The following EXOC4 variants were observed in gnomAD, a reference collection of about 807,000 sequenced individuals.
The protein encoded by EXOC4 is SEC8-like 1.
EXOC4 carries 71 observed loss-of-function variants against 107.2 expected under a neutral mutation model. The observed-to-expected ratio is 0.66, with a 90% CI of 0.55 to 0.81. The LOEUF (loss-of-function observed/expected upper bound fraction) is 0.81, where lower values mean the gene tolerates loss of function less well. EXOC4 is among the 30% of genes least tolerant of loss of function. The probability of loss-of-function intolerance (pLI) is 0.00; values close to 1 mark genes in which losing one functional copy is unlikely to be tolerated. For missense variants in EXOC4, 1,108 were observed against 1,189.6 expected (o/e 0.93, Z 1.01); for synonymous variants, 456 against 441.2 (o/e 1.03, Z -0.42).
intron 5 of EXOC4, among the ~76,000 whole-genome samples, chr7:133,347,619 G>A (rs916933124): frequency 6.6e-6 from 1 of 152,170 alleles, no homozygotes; most frequent in Non-Finnish European, 1.5e-5. Flanking sequence ...ATCTTTTCAT[G>A]AGTCCCAGAG....
At chr7:133,885,062 TCCCAG>T (rs1011867397) in intron 11 of EXOC4, among the ~76,000 whole-genome samples, 1 of 152,100 alleles carries the variant, frequency 6.6e-6, no homozygotes, top group Non-Finnish European at 1.5e-5. Context: ...ACGCCTATAA[TCCCAG>T]CACTTTGGGA....
At chr7:133,993,318 T>G (rs1794305132) in intron 14 of EXOC4, among the ~76,000 whole-genome samples, 1 of 152,188 alleles carries the variant, frequency 6.6e-6, no homozygotes, top group Non-Finnish European at 1.5e-5. Flanking sequence ...TACATGAGTT[T>G]TAGGACAATT....
intron 12 of EXOC4, among the ~76,000 whole-genome samples, chr7:133,902,541 G>A (rs181331896): frequency 6.6e-6 from 1 of 152,244 alleles, no homozygotes; most frequent in Admixed American, 6.5e-5. Flanking sequence ...GACAATAAAT[G>A]AATGTAATAC....
At chr7:133,554,398 C>T (rs907478455) in intron 9 of EXOC4, among the ~76,000 whole-genome samples, 7 of 152,138 alleles carry the variant, frequency 4.6e-5, no homozygotes, top group Admixed American at 2.6e-4. Flanking sequence ...TATACATTTT[C>T]TCAATTTAAA....
At chr7:133,977,090 A>G (rs906473869) in intron 14 of EXOC4, among the ~76,000 whole-genome samples, 3 of 152,204 alleles carry the variant, frequency 2.0e-5, no homozygotes, top group African/African-American at 7.2e-5. Flanking sequence ...GCTCATGGGC[A>G]TGGACTTTGT....
chr7:133,582,200 T>A (rs1801293617), intron 9 of EXOC4, among the ~76,000 whole-genome samples: 1 of 152,150 alleles, frequency 6.6e-6, no homozygotes, highest in African/African-American at 2.4e-5. Context: ...AGTGTTTAGC[T>A]CCCACTGATA....
intron 9 of EXOC4, among the ~76,000 whole-genome samples, chr7:133,527,361 G>A (rs1000087950): frequency 5.3e-5 from 8 of 152,118 alleles, no homozygotes; most frequent in South Asian, 2.1e-4. Context: ...CTGAGATTGC[G>A]CCCCTGCACT....
At chr7:133,514,116 A>G (rs1012795712) in intron 9 of EXOC4, among the ~76,000 whole-genome samples, 6 of 151,634 alleles carry the variant, frequency 4.0e-5, no homozygotes, top group Non-Finnish European at 8.8e-5. Flanking sequence ...TGTGTAATCA[A>G]TTTGATTAAT....
At chr7:133,967,659 G>C (rs565649310) in intron 14 of EXOC4, among the ~76,000 whole-genome samples, 155 of 152,304 alleles carry the variant, frequency 1.0e-3, no homozygotes, top group Non-Finnish European at 1.8e-3. Context: ...TCTTAATCCT[G>C]AGTTCTAATT....
intron 10 of EXOC4, among the ~76,000 whole-genome samples, chr7:133,772,089 A>G (rs963377056): frequency 6.6e-6 from 1 of 151,784 alleles, no homozygotes; most frequent in East Asian, 1.9e-4. Context: ...CCCTCCTCAT[A>G]TTCCCCCTTC....
At chr7:133,751,655 C>G (rs1795795340) in intron 10 of EXOC4, among the ~76,000 whole-genome samples, 1 of 152,102 alleles carries the variant, frequency 6.6e-6, no homozygotes, top group Non-Finnish European at 1.5e-5. Context: ...TTATTTCTGT[C>G]AAAACCACAG....
At chr7:133,873,288 C>T (rs565112035) in intron 11 of EXOC4, among the ~76,000 whole-genome samples, 12 of 152,326 alleles carry the variant, frequency 7.9e-5, no homozygotes, top group African/African-American at 2.9e-4. Context: ...AAGTTGAAAA[C>T]AATCACAACG....
intron 9 of EXOC4, among the ~76,000 whole-genome samples, chr7:133,572,432 A>G (rs571209360): frequency 2.0e-5 from 3 of 152,330 alleles, no homozygotes; most frequent in East Asian, 3.9e-4. Flanking sequence ...AGGGAAAAAA[A>G]CTTGTAAAAG....
At chr7:133,448,637 G>A (rs763975484) in intron 7 of EXOC4, among the ~76,000 whole-genome samples, 24 of 152,060 alleles carry the variant, frequency 1.6e-4, no homozygotes, top group Non-Finnish European at 2.8e-4. Flanking sequence ...TCTTTCCTCC[G>A]CTTATGGTGG....
chr7:133,791,190 C>T (rs1396953259), intron 10 of EXOC4, among the ~76,000 whole-genome samples: 1 of 152,182 alleles, frequency 6.6e-6, no homozygotes, highest in African/African-American at 2.4e-5. Context: ...CATTCAGCAG[C>T]TGCCTGTTTA....
At chr7:133,432,397 A>G (rs780122807) in intron 7 of EXOC4, among the ~76,000 whole-genome samples, 30 of 152,204 alleles carry the variant, frequency 2.0e-4, no homozygotes, top group Non-Finnish European at 3.1e-4. Flanking sequence ...GAGCTAATGT[A>G]TGGGACATAT....
At chr7:133,524,810 G>C (rs1206525250) in intron 9 of EXOC4, among the ~76,000 whole-genome samples, 3 of 151,976 alleles carry the variant, frequency 2.0e-5, no homozygotes, top group Non-Finnish European at 2.9e-5. Context: ...TCTCTGTTTT[G>C]GTACCAGCAC....
chr7:133,999,661 A>T (rs1377987963), intron 15 of EXOC4, among the ~76,000 whole-genome samples: 3 of 152,228 alleles, frequency 2.0e-5, no homozygotes, highest in Admixed American at 1.3e-4. Flanking sequence ...TGCCGCTGTT[A>T]CCTGAGTTAC....
chr7:133,374,700 A>G (rs1329073592), intron 6 of EXOC4, 128 bp from the exon 7 acceptor site: 3 of 710,516 alleles, frequency 4.2e-6, no homozygotes, highest in Admixed American at 6.0e-5. Context: ...CATCTGCTGA[A>G]ATCTAACGTT....
Sources: allele counts gnomAD v4.1 joint callset (sites outside exome capture counted in the v4.1 genomes callset), GRCh38; gene constraint gnomAD v4.1.1; transcripts MANE v1.5; gene names NCBI Gene and HGNC (gene_info 2026-07-23, HGNC 2026-07-21).